The following SMYD4 variants were observed in gnomAD, a reference collection of about 807,000 sequenced individuals.
SMYD4 encodes the protein SET and MYND domain containing 4.
In SMYD4, 68 loss-of-function variants were observed where a neutral mutation model predicts 72.8. The observed-to-expected ratio is 0.93, with a 90% confidence interval of 0.77 to 1.14. The LOEUF (loss-of-function observed/expected upper bound fraction) is 1.14. Among genes scored for constraint, SMYD4 ranks in the 50% most tolerant of loss-of-function variants. SMYD4 has a pLI of 0.00. For missense variants in SMYD4, 984 were observed against 1,003.7 expected, an observed-to-expected ratio of 0.98 and a Z score of 0.27; for synonymous variants, 407 against 388.6, an observed-to-expected ratio of 1.05 and a Z score of -0.56.
chr17:1,791,967 C>T (rs775531668), intron 5 of SMYD4, among the ~76,000 whole-genome samples: 2 of 152,124 alleles, frequency 1.3e-5, no homozygotes, highest in Non-Finnish European at 1.5e-5. Context: ...TTGAACATTA[C>T]AGAGAAAATG....
intron 5 of SMYD4, among the ~76,000 whole-genome samples, chr17:1,792,042 A>AT (rs66773474): frequency 1.5e-3 from 211 of 143,248 alleles, no homozygotes; most frequent in African/African-American, 4.6e-3. Context: ...CCTAAAATAC[A>AT]TTTTTTTTTT....
chr17:1,793,997 ATATATATATGTATATATATATATGTGTG>A (rs1909206836), intron 5 of SMYD4, among the ~76,000 whole-genome samples: 2 of 76,964 alleles, frequency 2.6e-5, no homozygotes, highest in South Asian at 3.4e-4. Context: ...ATTTTTGTGT[ATATATATATGTATATATATATATGTGTG>A]TATATATATA....
At chr17:1,812,204 G>A in intron 2 of SMYD4, 89 bp from the exon 3 acceptor site, 1 of 1,432,250 alleles carries the variant, frequency 7.0e-7, no homozygotes, top group Non-Finnish European at 9.5e-7. Flanking sequence ...AAGAAAGTGG[G>A]CCCGCAAAAC....
intron 5 of SMYD4, among the ~76,000 whole-genome samples, chr17:1,793,829 G>GTT (rs112584133): frequency 1.4e-5 from 2 of 144,496 alleles, no homozygotes; most frequent in African/African-American, 2.5e-5. Context: ...TCAGTGCAGT[G>GTT]TTTTTTTTTT....
At position 1,781,275 on chromosome 17, in the gene SMYD4, C is replaced by T. The variant is rs1908345738; in HGVS notation, c.*11G>A. The T allele has an allele frequency of 1.2e-6, 2 of 1,606,614 alleles. No individual in the cohort carries two copies. Among genetic ancestry groups the T allele is most frequent in the Non-Finnish European group, 1.7e-6 (2 of 1,178,238 alleles). ...GGCTCCTTTTCTGTGGGTCAAAATC[C>T]TCCTGGAACCCTACAATGCAGGCCC... On this transcript the variant is annotated 3_prime_UTR_variant, in exon 11 of 11. Transcript: ENST00000305513.
chr17:1,793,560 C>T (rs536789943), intron 5 of SMYD4, among the ~76,000 whole-genome samples: 9 of 152,114 alleles, frequency 5.9e-5, no homozygotes, highest in Admixed American at 5.9e-4. Context: ...ACTCAAAAGT[C>T]ACATCAGGTC....
At chr17:1,798,611 T>TA (rs1909532433) in intron 5 of SMYD4, among the ~76,000 whole-genome samples, 1 of 151,802 alleles carries the variant, frequency 6.6e-6, no homozygotes, top group Admixed American at 6.6e-5. Context: ...AAAAAAATTT[T>TA]AAAAGGCCAG....
intron 5 of SMYD4, among the ~76,000 whole-genome samples, chr17:1,793,610 C>T (rs1458139592): frequency 6.6e-6 from 1 of 151,936 alleles, no homozygotes; most frequent in Non-Finnish European, 1.5e-5. Context: ...AGAGCTAGCC[C>T]AGATTCAAGG....
At chr17:1,819,578 C>T (rs1303907708) in intron 2 of SMYD4, among the ~76,000 whole-genome samples, 1 of 152,150 alleles carries the variant, frequency 6.6e-6, no homozygotes, top group East Asian at 1.9e-4. Flanking sequence ...GCCTGTTTCC[C>T]AGTGATGTTA....
intron 4 of SMYD4, among the ~76,000 whole-genome samples, chr17:1,801,284 G>A (rs1369424993): frequency 6.6e-6 from 1 of 151,886 alleles, no homozygotes; most frequent in South Asian, 2.1e-4. Context: ...TGTCGCCCAG[G>A]CTGGATTGCA....
chr17:1,818,567 C>T (rs72822484), intron 2 of SMYD4, among the ~76,000 whole-genome samples: 18,485 of 152,134 alleles, frequency 0.12, 1,367 homozygotes, highest in African/African-American at 0.2. Context: ...ATCTTTTTCT[C>T]ACCCTAACCA....
chr17:1,785,963 A>G (rs1295738084), intron 7 of SMYD4, among the ~76,000 whole-genome samples: 3 of 152,110 alleles, frequency 2.0e-5, no homozygotes, highest in South Asian at 2.1e-4. Flanking sequence ...TCAAAGGCCG[A>G]TATCTATTTT....
chr17:1,785,439 G>GAAAAA (rs56261871), intron 7 of SMYD4, among the ~76,000 whole-genome samples: 5 of 124,552 alleles, frequency 4.0e-5, no homozygotes, highest in African/African-American at 1.2e-4. Flanking sequence ...AAAAGAAAAA[G>GAAAAA]AAAAAAAAAA....
chr17:1,828,044 C>G (rs750052691), intron 1 of SMYD4, 38 bp from the exon 2 acceptor site: 2 of 1,580,398 alleles, frequency 1.3e-6, no homozygotes, highest in Non-Finnish European at 1.7e-6. Flanking sequence ...CTTACAAATG[C>G]ACAATTTTAG....
At chr17:1,791,334 A>G (rs934240060) in intron 5 of SMYD4, among the ~76,000 whole-genome samples, 1 of 152,058 alleles carries the variant, frequency 6.6e-6, no homozygotes, top group South Asian at 2.1e-4. Context: ...CCTTGAGATA[A>G]GCCCTAGTGA....
At chr17:1,812,792 A>G (rs1445282314) in intron 2 of SMYD4, among the ~76,000 whole-genome samples, 1 of 151,892 alleles carries the variant, frequency 6.6e-6, no homozygotes, top group Non-Finnish European at 1.5e-5. Context: ...CAAATGGTCC[A>G]CCTGCCTCAC....
At chr17:1,816,219 T>C (rs1042868883) in intron 2 of SMYD4, among the ~76,000 whole-genome samples, 1 of 152,218 alleles carries the variant, frequency 6.6e-6, no homozygotes, top group African/African-American at 2.4e-5. Context: ...TTCATGTAAA[T>C]GTAATCATAC....
chr17:1,792,787 T>TC (rs1909129209), intron 5 of SMYD4, among the ~76,000 whole-genome samples: 1 of 152,180 alleles, frequency 6.6e-6, no homozygotes, highest in Non-Finnish European at 1.5e-5. Context: ...ACGTGTGCTT[T>TC]CAACAGCTGT....
intron 7 of SMYD4, among the ~76,000 whole-genome samples, chr17:1,785,285 TG>T: frequency 6.8e-6 from 1 of 147,020 alleles, no homozygotes; most frequent in Non-Finnish European, 1.5e-5. Flanking sequence ...TAGCCGGGCA[TG>T]GTGGTGGCGG....
Sources: gnomAD v4.1 joint callset for allele counts (sites outside exome capture counted in the v4.1 genomes callset) on GRCh38, gnomAD v4.1.1 for gene constraint, MANE v1.5 for transcripts, NCBI Gene and HGNC (gene_info 2026-07-23, HGNC 2026-07-21) for gene names.